SEC31A: variants seen among roughly 807,000 people sequenced by gnomAD.
SEC31A encodes SEC31 homolog A, COPII component, also known as protein transport protein Sec31A.
Under a neutral mutation model 151.0 loss-of-function variants are expected in SEC31A, and 70 were observed. The ratio of observed to expected loss-of-function variants is 0.46; its 90% confidence interval spans 0.38 to 0.57. The LOEUF is 0.57. Ranked by LOEUF, SEC31A falls within the 20% of genes least tolerant of loss-of-function variation. SEC31A has a pLI of 0.00. For synonymous variants in SEC31A, 475 were observed against 505.9 expected (o/e 0.94, Z 0.82); for missense variants, 1,330 against 1,471.2 (o/e 0.90, Z 1.57).
intron 1 of SEC31A, among the ~76,000 whole-genome samples, chr4:82,890,532 T>C (rs1022486584): frequency 1.3e-5 from 2 of 152,214 alleles, no homozygotes; most frequent in Admixed American, 6.5e-5. Flanking sequence ...TAACAACTTA[T>C]TAGCAAAAAC....
intron 22 of SEC31A, among the ~76,000 whole-genome samples, chr4:82,840,891 G>C (rs1191721406): frequency 6.6e-6 from 1 of 152,122 alleles, no homozygotes; most frequent in African/African-American, 2.4e-5. Context: ...AAGATGCTCT[G>C]GGTGAGTTGT....
At position 82,854,956 on chromosome 4, in the gene SEC31A, G is replaced by A. The variant is rs1167616383; in HGVS notation, c.1955C>T (p.Ala652Val). 1.9e-6 allele frequency: 3 copies of A among 1,613,880 alleles called. No individual in the cohort carries two copies. In the South Asian group the frequency reaches 3.3e-5, roughly 18 times the overall value. The change falls in exon 17 of 27, where the codon GCT becomes GTT. Residue 652 changes from alanine to valine, a missense_variant. By Grantham distance (64) the Ala-to-Val change is moderately conservative. Transcript: ENST00000395310. The part of the protein sequence containing the change: ...ESCDLKNWRE[A>V]LAAVLTYAKP... ...TGCATAAGTCAATACTGCAGCTAAA[G>A]CCTCTCTCCAATTTTTAAGATCACA...
intron 3 of SEC31A, 47 bp from the exon 4 acceptor site, chr4:82,878,975 A>T: frequency 7.0e-7 from 1 of 1,437,158 alleles, no homozygotes; most frequent in Non-Finnish European, 9.6e-7. Flanking sequence ...AGTCAAATAA[A>T]TGTAGACAAA....
At chr4:82,863,142 A>C in intron 12 of SEC31A, 176 bp downstream of exon 12, 1 of 538,332 alleles carries the variant, frequency 1.9e-6, no homozygotes, top group Non-Finnish European at 3.2e-6. Context: ...AAACTCTGGC[A>C]ACCACTGTGG....
chr4:82,853,786 A>G, intron 17 of SEC31A, 71 bp from the exon 18 acceptor site: 1 of 1,264,036 alleles, frequency 7.9e-7, no homozygotes, highest in East Asian at 2.6e-5. Context: ...GAGCAGCTAA[A>G]TAATATTTTC....
At chr4:82,891,195 C>A, upstream of SEC31A, 1 of 1,531,516 alleles carries the variant, frequency 6.5e-7, no homozygotes, top group Non-Finnish European at 8.7e-7. Context: ...CTCCACGTTC[C>A]GTTCCAACGT....
At chr4:82,853,307 A>C (rs1259179872) in intron 18 of SEC31A, among the ~76,000 whole-genome samples, 1 of 152,182 alleles carries the variant, frequency 6.6e-6, no homozygotes, top group Non-Finnish European at 1.5e-5. Context: ...TAAACCCTAG[A>C]GCTGTTTTCA....
intron 6 of SEC31A, among the ~76,000 whole-genome samples, chr4:82,872,548 A>T (rs1323225594): frequency 6.6e-6 from 1 of 152,210 alleles, no homozygotes; most frequent in East Asian, 1.9e-4. Flanking sequence ...TTTATTGAAC[A>T]GTCTTAAACA....
chr4:82,869,104 C>A (rs1736057294), intron 8 of SEC31A, among the ~76,000 whole-genome samples: 1 of 151,822 alleles, frequency 6.6e-6, no homozygotes, highest in African/African-American at 2.4e-5. Flanking sequence ...TGCATTTGAA[C>A]AAATTCCAAT....
chr4:82,825,860 C>T (rs546380575), intron 24 of SEC31A, among the ~76,000 whole-genome samples: 3 of 152,142 alleles, frequency 2.0e-5, no homozygotes, highest in South Asian at 2.1e-4. Flanking sequence ...GTAATATCGA[C>T]GAGACTTGGG....
At chr4:82,826,176 A>C (rs1371653117) in intron 24 of SEC31A, among the ~76,000 whole-genome samples, 1 of 152,210 alleles carries the variant, frequency 6.6e-6, no homozygotes, top group African/African-American at 2.4e-5. Flanking sequence ...CTAAACAAAG[A>C]TAAGTGGCTG....
At chr4:82,828,431 A>G (rs1383993603) in intron 23 of SEC31A, among the ~76,000 whole-genome samples, 1 of 152,102 alleles carries the variant, frequency 6.6e-6, no homozygotes, top group Non-Finnish European at 1.5e-5. Context: ...TCCTAATTTT[A>G]TATTATGGCC....
At chr4:82,877,689 C>G (rs1403624208) in intron 4 of SEC31A, 1 of 131,730 alleles carries the variant, frequency 7.6e-6, no homozygotes, top group Non-Finnish European at 1.7e-5. Flanking sequence ...TTTGTTAAAT[C>G]TGCATTACAT....
At chr4:82,822,328 G>A (rs1409624074) in intron 25 of SEC31A, among the ~76,000 whole-genome samples, 1 of 151,664 alleles carries the variant, frequency 6.6e-6, no homozygotes, top group Non-Finnish European at 1.5e-5. Flanking sequence ...TGGGAGTTGG[G>A]GGTAATAAAG....
In SEC31A at chr4:82,842,165, A is replaced by G; in HGVS notation, c.2943T>C (p.Ser981=). The G allele has an allele frequency of 1.3e-6, 2 of 1,571,136 alleles. No individual in the cohort carries two copies. The highest frequency in any genetic ancestry group is 1.7e-6 in the Non-Finnish European group (2 of 1,156,928). The stretch of plus-strand genomic sequence containing the variant: ...CTGTTCTTTGGGACGCAGGCAGCTC[A>G]CTGGCAGCAGGCAGTGTACCTGTTG... ...PGTTGTLPAA[S]ELPASQRTGP... Residue 981 remains serine (S), a synonymous_variant, in exon 22 of 27, where the codon AGT becomes AGC. Transcript: ENST00000395310.
chr4:82,861,728 T>A lies in SEC31A; in HGVS notation c.1549-20A>T. On this transcript the variant is annotated intron_variant, in intron 13 of 26. Coordinates refer to ENST00000395310, the MANE Select transcript of SEC31A (RefSeq NM_001077207.4). ...AAGAGCCTTTGGTACACAAAACAATTACAGGGGAAGGTGAAGAATGTAGTA... is the reference window on the plus strand; with the variant it reads ...AAGAGCCTTTGGTACACAAAACAATAACAGGGGAAGGTGAAGAATGTAGTA... 1.3e-6 allele frequency: 2 copies of A among 1,554,456 alleles called. No homozygotes were observed. Among genetic ancestry groups the A allele is most frequent in the Non-Finnish European group, 1.8e-6 (2 of 1,130,966 alleles).
chr4:82,843,634 C>A (rs1729401254), intron 21 of SEC31A: 1 of 151,138 alleles, frequency 6.6e-6, no homozygotes, highest in African/African-American at 2.4e-5. Context: ...CATTTTAGCA[C>A]AGAACACATT....
chr4:82,828,959 T>C, intron 23 of SEC31A, 41 bp downstream of exon 23: 1 of 1,545,184 alleles, frequency 6.5e-7, no homozygotes, highest in East Asian at 2.2e-5. Flanking sequence ...GTGGTTAACA[T>C]AACATCTGTA....
intron 12 of SEC31A, among the ~76,000 whole-genome samples, chr4:82,862,825 T>C (rs1266752531): frequency 6.6e-6 from 1 of 152,220 alleles, no homozygotes; most frequent in Non-Finnish European, 1.5e-5. Flanking sequence ...AAGTAAAACT[T>C]TCATATCAAT....
Sources: allele counts gnomAD v4.1 joint callset (sites outside exome capture counted in the v4.1 genomes callset), GRCh38; gene constraint gnomAD v4.1.1; transcripts MANE v1.5; gene names NCBI Gene and HGNC (gene_info 2026-07-23, HGNC 2026-07-21).